PLCB1: variants seen among roughly 807,000 people sequenced by gnomAD.
PLCB1 encodes the protein phospholipase C beta 1.
Under a neutral mutation model 161.8 loss-of-function variants are expected in PLCB1, and 46 were observed. The ratio of observed to expected loss-of-function variants is 0.28; its 90% CI spans 0.22 to 0.36. The LOEUF is 0.36. PLCB1 is among the 10% of genes least tolerant of loss of function. PLCB1 has a pLI of 1.00. For synonymous variants in PLCB1, 517 were observed against 503.7 expected (o/e 1.03, Z -0.35); for missense variants, 1,016 against 1,472.5 (o/e 0.69, Z 5.07).
At chr20:8,669,790 T>G (rs1209151907) in intron 9 of PLCB1, among the ~76,000 whole-genome samples, 2 of 152,136 alleles carry the variant, frequency 1.3e-5, no homozygotes, top group Non-Finnish European at 2.9e-5. Context: ...ATAACATGTT[T>G]TAAGTAGCTC....
chr20:8,267,264 T>C (rs1312839707), intron 2 of PLCB1, among the ~76,000 whole-genome samples: 3 of 152,174 alleles, frequency 2.0e-5, no homozygotes, highest in Non-Finnish European at 4.4e-5. Flanking sequence ...CTGCTGCTAG[T>C]GTTGGCTTTT....
intron 3 of PLCB1, among the ~76,000 whole-genome samples, chr20:8,374,770 T>C (rs1158970464): frequency 6.6e-6 from 1 of 152,134 alleles, no homozygotes; most frequent in African/African-American, 2.4e-5. Flanking sequence ...AAAGGACAGA[T>C]TGAGTGCAAG....
chr20:8,747,400 C>T (rs1981226069), intron 23 of PLCB1, among the ~76,000 whole-genome samples: 1 of 152,194 alleles, frequency 6.6e-6, no homozygotes, highest in Admixed American at 6.5e-5. Context: ...CAAATCTTAC[C>T]CAGCCCTCAA....
intron 23 of PLCB1, among the ~76,000 whole-genome samples, chr20:8,754,395 A>C (rs958412800): frequency 3.6e-5 from 1 of 28,154 alleles, no homozygotes; most frequent in African/African-American, 9.6e-5. Flanking sequence ...TTAGTTGCCA[A>C]AAAAAAAAAA....
chr20:8,358,130 T>A (rs1674205107), intron 2 of PLCB1, among the ~76,000 whole-genome samples: 1 of 131,716 alleles, frequency 7.6e-6, no homozygotes, highest in South Asian at 2.3e-4. Context: ...CATCTTGCCC[T>A]GACTTTTGCC....
intron 23 of PLCB1, among the ~76,000 whole-genome samples, chr20:8,753,609 G>A (rs1981592679): frequency 6.6e-6 from 1 of 152,026 alleles, no homozygotes. Context: ...CATTACTAAG[G>A]ATGCATAGCT....
intron 3 of PLCB1, among the ~76,000 whole-genome samples, chr20:8,490,730 A>G (rs1982908676): frequency 6.6e-6 from 1 of 152,124 alleles, no homozygotes; most frequent in Non-Finnish European, 1.5e-5. Flanking sequence ...TAATGATGTG[A>G]AACACCTTTT....
intron 2 of PLCB1, among the ~76,000 whole-genome samples, chr20:8,173,946 A>G (rs1414695142): frequency 3.9e-5 from 6 of 152,200 alleles, no homozygotes; most frequent in African/African-American, 1.4e-4. Context: ...ACTCAATCTG[A>G]ACAACAGAAG....
chr20:8,348,298 T>C (rs1189382851), intron 2 of PLCB1, among the ~76,000 whole-genome samples: 1 of 152,220 alleles, frequency 6.6e-6, no homozygotes, highest in African/African-American at 2.4e-5. Flanking sequence ...AGGAAGGTAC[T>C]TCCTCTAGAT....
intron 3 of PLCB1, among the ~76,000 whole-genome samples, chr20:8,449,394 G>A (rs1451855789): frequency 6.6e-6 from 1 of 152,216 alleles, no homozygotes; most frequent in African/African-American, 2.4e-5. Context: ...CAGCACAAGT[G>A]CTGTAGACAG....
At chr20:8,395,031 A>G (rs750727209) in intron 3 of PLCB1, among the ~76,000 whole-genome samples, 16 of 152,144 alleles carry the variant, frequency 1.1e-4, no homozygotes, top group Non-Finnish European at 1.9e-4. Flanking sequence ...TGTTAATTAA[A>G]AATTAAATTT....
At chr20:8,377,660 A>T (rs1387755664) in intron 3 of PLCB1, among the ~76,000 whole-genome samples, 1 of 152,146 alleles carries the variant, frequency 6.6e-6, no homozygotes, top group Non-Finnish European at 1.5e-5. Context: ...AATGTATTGG[A>T]TGTGAAGTAT....
At chr20:8,865,228 A>G (rs1987386804) in intron 31 of PLCB1, among the ~76,000 whole-genome samples, 1 of 152,154 alleles carries the variant, frequency 6.6e-6, no homozygotes, top group African/African-American at 2.4e-5. Context: ...GGGCTTTATA[A>G]CACTAGCTCT....
chr20:8,549,796 C>T (rs1030752995), intron 3 of PLCB1, among the ~76,000 whole-genome samples: 3 of 152,134 alleles, frequency 2.0e-5, no homozygotes, highest in Non-Finnish European at 4.4e-5. Flanking sequence ...GTGTCAAACT[C>T]CTGAGCTCAA....
chr20:8,489,788 G>A (rs1284927147), intron 3 of PLCB1, among the ~76,000 whole-genome samples: 1 of 152,160 alleles, frequency 6.6e-6, no homozygotes, highest in African/African-American at 2.4e-5. Context: ...AAGTAAAAGA[G>A]CATTTTAACT....
intron 4 of PLCB1, among the ~76,000 whole-genome samples, chr20:8,633,084 C>G (rs1988647868): frequency 7.4e-6 from 1 of 135,188 alleles, no homozygotes; most frequent in Non-Finnish European, 1.6e-5. Flanking sequence ...AAAAAGGAAT[C>G]CAAATTTGCA....
At chr20:8,589,943 C>T (rs752003871) in intron 3 of PLCB1, among the ~76,000 whole-genome samples, 1 of 152,010 alleles carries the variant, frequency 6.6e-6, no homozygotes, top group Non-Finnish European at 1.5e-5. Context: ...TACAAGGGTA[C>T]TAATCCCATT....
chr20:8,570,569 A>G (rs1313850575), intron 3 of PLCB1, among the ~76,000 whole-genome samples: 2 of 148,930 alleles, frequency 1.3e-5, no homozygotes, highest in Admixed American at 1.3e-4. Context: ...TAGAGACCCC[A>G]GAAACAACAA....
chr20:8,488,156 G>GC (rs1282957131), intron 3 of PLCB1, among the ~76,000 whole-genome samples: 1 of 152,188 alleles, frequency 6.6e-6, no homozygotes, highest in Non-Finnish European at 1.5e-5. Flanking sequence ...TTCTAAAAAT[G>GC]CCCATTTGTT....
Sources: gnomAD v4.1 joint callset for allele counts (sites outside exome capture counted in the v4.1 genomes callset) on GRCh38, gnomAD v4.1.1 for gene constraint, MANE v1.5 for transcripts, NCBI Gene and HGNC (gene_info 2026-07-23, HGNC 2026-07-21) for gene names.